Variants in DEPDC4 observed in about 807,000 individuals in gnomAD.
DEPDC4 encodes DEP domain containing 4.
In DEPDC4, 52 loss-of-function variants were observed where a neutral mutation model predicts 52.0. The observed-to-expected ratio is 1.00, with a 90% CI of 0.80 to 1.26. The LOEUF is 1.26. Ranked by LOEUF, DEPDC4 falls within the 50% of genes most tolerant of loss-of-function variation. The probability of loss-of-function intolerance (pLI) is 0.00; values close to 1 mark genes in which losing one functional copy is unlikely to be tolerated. For synonymous variants in DEPDC4, 201 were observed against 196.8 expected, an observed-to-expected ratio of 1.02 and a Z score of -0.18; for missense variants, 530 against 546.9, an observed-to-expected ratio of 0.97 and a Z score of 0.31.
chr12:100,239,936 C>T (rs138748775), downstream of DEPDC4, among the ~76,000 whole-genome samples: 1 of 152,194 alleles, frequency 6.6e-6, no homozygotes, highest in African/African-American at 2.4e-5. Flanking sequence ...GCTTCAGCCT[C>T]TCAAATAGTT....
At chr12:100,249,617 G>T (rs908634928) in intron 7 of DEPDC4, among the ~76,000 whole-genome samples, 2 of 152,196 alleles carry the variant, frequency 1.3e-5, no homozygotes, top group African/African-American at 4.8e-5. Context: ...GTTACAGAGG[G>T]CATGCCCTAG....
the DEPDC4 span, among the ~76,000 whole-genome samples, chr12:100,273,312 G>A: frequency 1.3e-5 from 2 of 152,012 alleles, no homozygotes; most frequent in Non-Finnish European, 2.9e-5. Context: ...TAGCATTACT[G>A]TTTTTGGGAA....
chr12:100,267,177 A>C (rs1286785713), upstream of DEPDC4: 9 of 1,320,706 alleles, frequency 6.8e-6, no homozygotes, highest in Admixed American at 2.1e-5. Context: ...CAGGTCTTTT[A>C]GTCTTTTTCC....
rs145993265 is a variant in DEPDC4, at chr12:100,243,213, G to A, written c.1454-644C>T. Among the ~76,000 whole-genome samples, 111 of 151,834 alleles carry A rather than the reference G, an allele frequency of 7.3e-4. 1 individual carries two copies. In the South Asian group the frequency reaches 7.9e-3, roughly 11 times the overall value. On this transcript the variant is annotated intron_variant, in intron 8 of 9. Transcript: ENST00000550587. ...CTCACCTATTTTCTAACTGTGGAAC[G>A]TGAAACCACAGATAAAAGGGGGGGT...
the DEPDC4 span, among the ~76,000 whole-genome samples, chr12:100,275,368 AT>A: frequency 2.6e-5 from 4 of 152,038 alleles, no homozygotes; most frequent in Non-Finnish European, 5.9e-5. Context: ...CTCCTGGCTA[AT>A]TTTTAAAAAC....
intron 9 of DEPDC4, among the ~76,000 whole-genome samples, chr12:100,234,531 C>T (rs2096138645): frequency 6.6e-6 from 1 of 152,124 alleles, no homozygotes; most frequent in African/African-American, 2.4e-5. Flanking sequence ...TAAACTGACA[C>T]AGCAGGGTTC....
chr12:100,261,235 C>A (rs891204430), intron 3 of DEPDC4, among the ~76,000 whole-genome samples: 1 of 151,950 alleles, frequency 6.6e-6, no homozygotes, highest in Admixed American at 6.6e-5. Flanking sequence ...AATTCTACAC[C>A]CTTTCTTTGG....
chr12:100,253,451 A>G (rs1218813508), intron 5 of DEPDC4, 38 bp downstream of exon 5: 1 of 932,658 alleles, frequency 1.1e-6, no homozygotes, highest in Non-Finnish European at 1.5e-6. Context: ...AAAATGTTTT[A>G]TTACACCAAA....
upstream of DEPDC4, chr12:100,267,360 A>G (rs1325686239): frequency 9.2e-6 from 3 of 326,316 alleles, no homozygotes; most frequent in Admixed American, 1.0e-4. Context: ...GCGGGGGGAA[A>G]GAGCCCCAGC....
At chr12:100,232,171 C>G (rs1027282339) in intron 9 of DEPDC4, among the ~76,000 whole-genome samples, 6 of 152,026 alleles carry the variant, frequency 3.9e-5, no homozygotes, top group Admixed American at 6.6e-5. Flanking sequence ...GCAGGCAGAT[C>G]ACCTGAGGTC....
At chr12:100,267,158 C>T, upstream of DEPDC4, 1 of 1,469,372 alleles carries the variant, frequency 6.8e-7, no homozygotes, top group Non-Finnish European at 9.3e-7. Flanking sequence ...ACGTCATGCC[C>T]CCGGCCGGCA....
At chr12:100,238,757 G>A (rs1001677380), downstream of DEPDC4, among the ~76,000 whole-genome samples, 1 of 152,044 alleles carries the variant, frequency 6.6e-6, no homozygotes, top group Non-Finnish European at 1.5e-5. Context: ...AAAGTGCTGG[G>A]ATTATAGGCA....
At chr12:100,276,971 A>T in the DEPDC4 span, among the ~76,000 whole-genome samples, 1 of 152,052 alleles carries the variant, frequency 6.6e-6, no homozygotes, top group African/African-American at 2.4e-5. Context: ...ATATTTTAAA[A>T]ATTTCTTTGT....
At chr12:100,238,831 C>T (rs1367109244), downstream of DEPDC4, among the ~76,000 whole-genome samples, 1 of 152,018 alleles carries the variant, frequency 6.6e-6, no homozygotes, top group East Asian at 1.9e-4. Flanking sequence ...AATAGTTTAT[C>T]CATAAGGTAA....
At chr12:100,276,168 A>G in the DEPDC4 span, among the ~76,000 whole-genome samples, 1 of 152,182 alleles carries the variant, frequency 6.6e-6, no homozygotes, top group African/African-American at 2.4e-5. Flanking sequence ...AATGGAAAGT[A>G]TCCTCCCCTC....
downstream of DEPDC4, among the ~76,000 whole-genome samples, chr12:100,238,713 G>A (rs760274609): frequency 4.6e-5 from 7 of 150,998 alleles, no homozygotes; most frequent in Non-Finnish European, 8.9e-5. Flanking sequence ...CTTGGAACTC[G>A]TGGGCTCAAG....
At chr12:100,262,540 T>A in intron 2 of DEPDC4, 131 bp from the exon 3 acceptor site, 1 of 611,572 alleles carries the variant, frequency 1.6e-6, no homozygotes. Context: ...CAGCTTATAA[T>A]AAAAGATGCA....
At chr12:100,280,329 C>T in the DEPDC4 span, among the ~76,000 whole-genome samples, 29 of 152,026 alleles carry the variant, frequency 1.9e-4, no homozygotes, top group African/African-American at 6.5e-4. Context: ...TTCATAACTA[C>T]AAAATGGTTT....
upstream of DEPDC4, among the ~76,000 whole-genome samples, chr12:100,271,225 T>C (rs1219136276): frequency 7.2e-6 from 1 of 138,546 alleles, no homozygotes; most frequent in African/African-American, 2.8e-5. Context: ...AGGCCAACTC[T>C]GGCCTTAAAG....
Sources: allele counts gnomAD v4.1 joint callset (sites outside exome capture counted in the v4.1 genomes callset), GRCh38; gene constraint gnomAD v4.1.1; transcripts MANE v1.5; gene names NCBI Gene and HGNC (gene_info 2026-07-23, HGNC 2026-07-21).